Variants in GALNT10 observed in about 807,000 individuals in gnomAD.
The protein encoded by GALNT10 is GalNAc transferase 10.
In GALNT10, 41 loss-of-function variants were observed where a neutral mutation model predicts 75.0. The observed-to-expected ratio is 0.55, with a 90% CI of 0.43 to 0.71. GALNT10 has a LOEUF of 0.71. Ranked by LOEUF, GALNT10 falls within the 30% of genes least tolerant of loss-of-function variation. The probability of loss-of-function intolerance (pLI) is 0.00; values close to 1 mark genes in which losing one functional copy is unlikely to be tolerated. For missense variants in GALNT10, 727 were observed against 818.5 expected (o/e 0.89, Z 1.36); for synonymous variants, 302 against 313.0 (o/e 0.96, Z 0.37).
intron 3 of GALNT10, among the ~76,000 whole-genome samples, chr5:154,310,453 G>T (rs149811700): frequency 0.017 from 2,352 of 138,388 alleles, 27 homozygotes; most frequent in African/African-American, 0.019. Context: ...TTTTTTTTTT[G>T]TTTGTTTGTT....
chr5:154,305,452 A>G (rs1754420279), intron 3 of GALNT10, among the ~76,000 whole-genome samples: 1 of 152,238 alleles, frequency 6.6e-6, no homozygotes, highest in African/African-American at 2.4e-5. Flanking sequence ...ATTCAAATAC[A>G]TGCTCCCTGC....
intron 7 of GALNT10, among the ~76,000 whole-genome samples, chr5:154,396,710 TGTAAA>T (rs1362180936): frequency 6.6e-6 from 1 of 152,208 alleles, no homozygotes; most frequent in Non-Finnish European, 1.5e-5. Context: ...CAAAACCTAA[TGTAAA>T]GTAACCATCT....
At chr5:154,345,819 AT>A (rs869293079) in intron 4 of GALNT10, among the ~76,000 whole-genome samples, 1 of 80,636 alleles carries the variant, frequency 1.2e-5, no homozygotes, top group Non-Finnish European at 2.8e-5. Flanking sequence ...TTTTTTTTGT[AT>A]TTTTTGTAGA....
At chr5:154,251,895 A>G (rs1753528494) in intron 1 of GALNT10, among the ~76,000 whole-genome samples, 1 of 152,118 alleles carries the variant, frequency 6.6e-6, no homozygotes, top group Admixed American at 6.6e-5. Context: ...GAGATTATAA[A>G]TATGTTTATA....
intron 1 of GALNT10, chr5:154,217,885 T>C: frequency 2.5e-6 from 1 of 397,676 alleles, no homozygotes; most frequent in South Asian, 1.0e-4. Context: ...TATTAATTTT[T>C]TGGTGTTTGG....
chr5:154,288,461 C>G (rs1036351102), intron 1 of GALNT10, among the ~76,000 whole-genome samples: 1 of 150,482 alleles, frequency 6.6e-6, no homozygotes, highest in Non-Finnish European at 1.5e-5. Context: ...CTAATCGATT[C>G]TTTTAGTGGA....
intron 1 of GALNT10, among the ~76,000 whole-genome samples, chr5:154,257,543 C>T (rs1215771657): frequency 6.6e-6 from 1 of 152,058 alleles, no homozygotes; most frequent in Non-Finnish European, 1.5e-5. Context: ...ATGGCACGTG[C>T]CTATAATCCC....
At chr5:154,378,327 A>ATCATCG (rs769992703) in intron 5 of GALNT10, among the ~76,000 whole-genome samples, 95 of 151,826 alleles carry the variant, frequency 6.3e-4, no homozygotes, top group Non-Finnish European at 1.1e-3. Context: ...TATCATCATC[A>ATCATCG]TCATCATCAT....
intron 1 of GALNT10, among the ~76,000 whole-genome samples, chr5:154,291,406 C>T (rs1167583407): frequency 6.6e-6 from 1 of 152,154 alleles, no homozygotes; most frequent in African/African-American, 2.4e-5. Flanking sequence ...TGCAGAATCT[C>T]AGGCCCCGCC....
rs1774851342 is a variant in GALNT10, at chr5:154,191,031, T to TC, written c.159+12dup. 2.8e-6 allele frequency: 4 copies of TC among 1,415,790 alleles called. No homozygotes were observed. Among genetic ancestry groups the TC allele is most frequent in the Non-Finnish European group, 3.7e-6 (4 of 1,076,206 alleles). 87.7% of individuals were successfully genotyped at this position (1,415,790 alleles called of 1,614,324 possible). A position where few individuals can be genotyped will look rare whatever the true frequency, so the allele number is the denominator to read the frequency against. On this transcript the variant is annotated splice_region_variant and intron_variant, in intron 1 of 11. Coordinates refer to ENST00000297107, the MANE Select transcript of GALNT10 (RefSeq NM_198321.4). ...TGGCGCCGGCGGCGGGACAGGTGAG[T>TC]CCCCCCGTTGCTACAGGCCGGGAAC...
intron 1 of GALNT10, among the ~76,000 whole-genome samples, chr5:154,216,341 G>A (rs1752871184): frequency 6.6e-6 from 1 of 152,090 alleles, no homozygotes; most frequent in African/African-American, 2.4e-5. Flanking sequence ...CTGTTTAATT[G>A]AAGATAATCC....
At chr5:154,380,691 A>G in intron 6 of GALNT10, 60 bp downstream of exon 6, 1 of 1,194,092 alleles carries the variant, frequency 8.4e-7, no homozygotes, top group Non-Finnish European at 1.2e-6. Flanking sequence ...CCCAACACGC[A>G]CACAACTCAG....
At chr5:154,202,999 G>A (rs758434870) in intron 1 of GALNT10, among the ~76,000 whole-genome samples, 23 of 152,264 alleles carry the variant, frequency 1.5e-4, no homozygotes, top group Admixed American at 3.9e-4. Context: ...AATGGGGCAC[G>A]TTAAGAAGGC....
intron 3 of GALNT10, among the ~76,000 whole-genome samples, chr5:154,305,312 GA>G (rs1257009091): frequency 7.4e-6 from 1 of 134,510 alleles, no homozygotes. Context: ...AAAAAAAAAA[GA>G]AGAAGAAGAA....
At chr5:154,348,481 T>G (rs1359726033) in intron 4 of GALNT10, among the ~76,000 whole-genome samples, 1 of 152,236 alleles carries the variant, frequency 6.6e-6, no homozygotes, top group Non-Finnish European at 1.5e-5. Context: ...TTGTCATCAG[T>G]GATAAGAGAA....
chr5:154,399,840 T>TTA (rs1756119987), intron 7 of GALNT10, among the ~76,000 whole-genome samples: 1 of 152,068 alleles, frequency 6.6e-6, no homozygotes, highest in African/African-American at 2.4e-5. Context: ...TAAGGACTCT[T>TTA]AATGTTAAAA....
At chr5:154,221,599 C>G (rs557749775) in intron 1 of GALNT10, among the ~76,000 whole-genome samples, 3 of 146,780 alleles carry the variant, frequency 2.0e-5, no homozygotes, top group African/African-American at 7.5e-5. Context: ...ACCCAGGAAT[C>G]ACTTTCACAG....
rs529645934 is a variant in GALNT10 at position 154,355,777 on chromosome 5, T to C, written c.569-20500T>C. ...CACATCAGCCTGCCTCCAGGCACCA[T>C]CCATCATTTGCACTCTCACTACATC... On this transcript the variant is annotated intron_variant, in intron 4 of 11. Transcript: ENST00000297107. Among the ~76,000 whole-genome samples the C allele has an allele frequency of 2.0e-5, 3 of 152,288 alleles. No individual in the cohort carries two copies. The East Asian group carries it at 5.8e-4, about 29-fold the overall frequency.
At chr5:154,225,894 A>G (rs1230237032) in intron 1 of GALNT10, among the ~76,000 whole-genome samples, 1 of 113,442 alleles carries the variant, frequency 8.8e-6, no homozygotes, top group African/African-American at 2.6e-5. Flanking sequence ...AAGAAATTTA[A>G]CATGCCATTG....
Sources: allele counts gnomAD v4.1 joint callset (sites outside exome capture counted in the v4.1 genomes callset), GRCh38; gene constraint gnomAD v4.1.1; transcripts MANE v1.5; gene names NCBI Gene and HGNC (gene_info 2026-07-23, HGNC 2026-07-21).